Variants in STEAP1B observed in about 807,000 individuals in gnomAD.
STEAP1B encodes the protein STEAP family protein MGC87042.
STEAP1B carries 13 observed loss-of-function variants against 27.9 expected under a neutral mutation model. The observed-to-expected ratio is 0.47, with a 90% CI of 0.30 to 0.74. STEAP1B has a LOEUF of 0.74. STEAP1B is among the 30% of genes least tolerant of loss of function. The pLI is 0.06. For synonymous variants in STEAP1B, 86 were observed against 107.1 expected (o/e 0.80, Z 1.22); for missense variants, 250 against 298.7 (o/e 0.84, Z 1.20).
At chr7:22,459,880 G>C (rs1443722288) in intron 4 of STEAP1B, among the ~76,000 whole-genome samples, 1 of 152,092 alleles carries the variant, frequency 6.6e-6, no homozygotes, top group Non-Finnish European at 1.5e-5. Flanking sequence ...TTTCCATTTT[G>C]GTTCATATCT....
At chr7:22,456,972 A>ATTTTT (rs3064738) in intron 4 of STEAP1B, among the ~76,000 whole-genome samples, 8 of 57,028 alleles carry the variant, frequency 1.4e-4, no homozygotes, top group South Asian at 1.0e-3. Flanking sequence ...ATATATATAT[A>ATTTTT]TTTTTTTTTT....
At chr7:22,485,970 C>G (rs1465128081) in intron 4 of STEAP1B, among the ~76,000 whole-genome samples, 1 of 152,184 alleles carries the variant, frequency 6.6e-6, no homozygotes, top group East Asian at 1.9e-4. Context: ...TGAGATAATA[C>G]ACGTACACAG....
At chr7:22,438,963 T>A (rs1337646471) in intron 4 of STEAP1B, among the ~76,000 whole-genome samples, 3 of 152,186 alleles carry the variant, frequency 2.0e-5, no homozygotes, top group African/African-American at 4.8e-5. Flanking sequence ...AAAAAGTGCA[T>A]GTTAAATGAA....
intron 4 of STEAP1B, among the ~76,000 whole-genome samples, chr7:22,477,469 G>A (rs540033691): frequency 9.2e-5 from 14 of 152,184 alleles, no homozygotes; most frequent in Admixed American, 9.2e-4. Flanking sequence ...GAAAGGTTAA[G>A]TGTCTTGTCC....
intron 4 of STEAP1B, among the ~76,000 whole-genome samples, chr7:22,479,837 G>A (rs1046367815): frequency 1.8e-5 from 1 of 54,184 alleles, no homozygotes; most frequent in African/African-American, 6.7e-5. Context: ...GGCACACACC[G>A]GCGACGCCCA....
intron 4 of STEAP1B, among the ~76,000 whole-genome samples, chr7:22,489,298 G>A (rs776216500): frequency 6.6e-6 from 1 of 152,044 alleles, no homozygotes; most frequent in African/African-American, 2.4e-5. Flanking sequence ...AACATAATAC[G>A]GTCAAAGCAC....
At chr7:22,490,177 CTTT>C (rs969587417) in intron 4 of STEAP1B, among the ~76,000 whole-genome samples, 1 of 150,210 alleles carries the variant, frequency 6.7e-6, no homozygotes, top group Non-Finnish European at 1.5e-5. Flanking sequence ...TTTTAGAAAA[CTTT>C]TTTTTAAAAA....
chr7:22,480,026 C>A (rs746941256), intron 4 of STEAP1B, among the ~76,000 whole-genome samples: 3 of 152,174 alleles, frequency 2.0e-5, no homozygotes, highest in Non-Finnish European at 2.9e-5. Flanking sequence ...TAGTGTCAAC[C>A]CTGCTGGGCA....
chr7:22,422,977 C>G (rs1219081389), intron 4 of STEAP1B, among the ~76,000 whole-genome samples: 1 of 152,180 alleles, frequency 6.6e-6, no homozygotes, highest in Non-Finnish European at 1.5e-5. Flanking sequence ...TCATAAAAAA[C>G]TTCATTTAAA....
intron 4 of STEAP1B, among the ~76,000 whole-genome samples, chr7:22,487,766 T>C (rs1221738759): frequency 7.1e-6 from 1 of 140,568 alleles, no homozygotes; most frequent in African/African-American, 2.7e-5. Context: ...GATCGCACCA[T>C]TGCACTCCAG....
chr7:22,440,817 A>G (rs1785321888), intron 4 of STEAP1B, among the ~76,000 whole-genome samples: 1 of 151,998 alleles, frequency 6.6e-6, no homozygotes, highest in African/African-American at 2.4e-5. Context: ...GACATACTGC[A>G]TTACAGGTAG....
At chr7:22,464,207 C>A (rs1325655685) in intron 4 of STEAP1B, among the ~76,000 whole-genome samples, 1 of 152,100 alleles carries the variant, frequency 6.6e-6, no homozygotes, top group Non-Finnish European at 1.5e-5. Flanking sequence ...GTTCGCAATG[C>A]CATTAGGAAG....
chr7:22,423,221 C>T (rs376832417), intron 4 of STEAP1B, among the ~76,000 whole-genome samples: 1 of 152,086 alleles, frequency 6.6e-6, no homozygotes, highest in Non-Finnish European at 1.5e-5. Flanking sequence ...TTTCTTAAAA[C>T]GTTAAGCATA....
chr7:22,479,976 A>G (rs557002416), intron 4 of STEAP1B, among the ~76,000 whole-genome samples: 2 of 152,132 alleles, frequency 1.3e-5, no homozygotes, highest in South Asian at 4.2e-4. Context: ...CTCCTCACCC[A>G]CACAAGCCAC....
At chr7:22,466,087 C>T (rs1342971077) in intron 4 of STEAP1B, among the ~76,000 whole-genome samples, 2 of 152,200 alleles carry the variant, frequency 1.3e-5, no homozygotes, top group Non-Finnish European at 2.9e-5. Context: ...GAAGTTACTG[C>T]TCTCAGCTCC....
intron 4 of STEAP1B, among the ~76,000 whole-genome samples, chr7:22,430,908 C>T (rs1583628482): frequency 6.6e-6 from 1 of 152,224 alleles, no homozygotes; most frequent in African/African-American, 2.4e-5. Context: ...TGATTCTCAG[C>T]GTCTCTCTGC....
At chr7:22,481,701 C>A (rs1260811403) in intron 4 of STEAP1B, among the ~76,000 whole-genome samples, 1 of 152,210 alleles carries the variant, frequency 6.6e-6, no homozygotes, top group Non-Finnish European at 1.5e-5. Context: ...TTTATAAAGC[C>A]AGACATATCA....
intron 4 of STEAP1B, among the ~76,000 whole-genome samples, chr7:22,453,183 C>T (rs981466435): frequency 5.3e-5 from 8 of 152,162 alleles, no homozygotes; most frequent in Admixed American, 4.6e-4. Flanking sequence ...TGGCTTTCCT[C>T]GTATGAAACT....
intron 4 of STEAP1B, among the ~76,000 whole-genome samples, chr7:22,462,476 G>A (rs1417188473): frequency 1.5e-5 from 2 of 130,932 alleles, no homozygotes; most frequent in South Asian, 2.8e-4. Context: ...GTGAGAATAC[G>A]CGGTGTTTGG....
Sources: allele counts gnomAD v4.1 joint callset (sites outside exome capture counted in the v4.1 genomes callset), GRCh38; gene constraint gnomAD v4.1.1; transcripts MANE v1.5; gene names NCBI Gene and HGNC (gene_info 2026-07-23, HGNC 2026-07-21).